TRDN: variants seen among roughly 807,000 people sequenced by gnomAD.
The protein encoded by TRDN is triadin.
A neutral mutation model predicts 149.7 loss-of-function variants in TRDN; 161 were observed. The ratio of observed to expected loss-of-function variants is 1.08; its 90% CI spans 0.95 to 1.23. TRDN has a LOEUF of 1.23. TRDN is among the 50% of genes most tolerant of loss of function. The pLI, the probability that TRDN is intolerant of heterozygous loss-of-function variation, is 0.00. For synonymous variants in TRDN, 294 were observed against 250.5 expected (o/e 1.17, Z -1.64); for missense variants, 896 against 823.5 (o/e 1.09, Z -1.08).
intron 24 of TRDN, among the ~76,000 whole-genome samples, chr6:123,311,334 G>T (rs1778811233): frequency 6.6e-6 from 1 of 151,940 alleles, no homozygotes; most frequent in South Asian, 2.1e-4. Flanking sequence ...CTCCATCCCA[G>T]TCCATCCCTC....
At chr6:123,281,920 T>C (rs552423790) in intron 24 of TRDN, among the ~76,000 whole-genome samples, 23 of 152,140 alleles carry the variant, frequency 1.5e-4, no homozygotes, top group South Asian at 1.2e-3. Flanking sequence ...AAAATACATG[T>C]GGAAGTCCAG....
rs988452678 is a variant in TRDN at position 123,584,266 on chromosome 6, G to A, written c.23-13134C>T. On this transcript the variant is annotated intron_variant, in intron 1 of 40. Coordinates refer to ENST00000334268, the MANE Select transcript of TRDN (RefSeq NM_006073.4). ...GAGCCGGGGAGCAGAAAGTATATGCGTCAGATATGAGGAAGAAAATAGATT... is the reference window on the plus strand; with the variant it reads ...GAGCCGGGGAGCAGAAAGTATATGCATCAGATATGAGGAAGAAAATAGATT... 1.3e-4 allele frequency among the ~76,000 whole-genome samples: 19 copies of A among 151,748 alleles called. No individual in the cohort carries two copies. The South Asian group carries it at 1.5e-3, about 12-fold the overall frequency.
At chr6:123,219,226 C>G (rs956466124) in intron 40 of TRDN, among the ~76,000 whole-genome samples, 2 of 151,826 alleles carry the variant, frequency 1.3e-5, no homozygotes, top group African/African-American at 4.8e-5. Context: ...GAGGCAAGAG[C>G]TTTCCTAAGG....
At chr6:123,407,007 TGCTGAGAGGGCC>T (rs1444148392) in intron 12 of TRDN, among the ~76,000 whole-genome samples, 2 of 151,974 alleles carry the variant, frequency 1.3e-5, no homozygotes, top group Admixed American at 1.3e-4. Flanking sequence ...TCAGGGTGCT[TGCTGAGAGGGCC>T]CAAGCTTAGG....
rs766194808 is a variant in TRDN, at chr6:123,216,616, T to C, written c.*1985A>G. The C allele has an allele frequency of 4.0e-4, 61 of 151,898 alleles. No individual in the cohort carries two copies. The highest frequency in any genetic ancestry group is 7.8e-4 in the Non-Finnish European group (53 of 67,938). 9.4% of individuals were successfully genotyped at this position (151,898 alleles called of 1,614,324 possible). Reference sequence around the variant, plus strand: ...CAAAAGTATTACTTCAGAAATTTACTTTAATATCATATTTATATTAAAATA... The same window carrying C: ...CAAAAGTATTACTTCAGAAATTTACCTTAATATCATATTTATATTAAAATA... On this transcript the variant is annotated 3_prime_UTR_variant, in exon 41 of 41. Transcript: ENST00000334268.
intron 38 of TRDN, among the ~76,000 whole-genome samples, chr6:123,226,251 T>C (rs1775360460): frequency 1.3e-5 from 2 of 151,842 alleles, no homozygotes; most frequent in African/African-American, 4.8e-5. Context: ...TTATATGATG[T>C]TGTGAAATAA....
intron 1 of TRDN, among the ~76,000 whole-genome samples, chr6:123,579,962 C>T (rs1408760000): frequency 1.3e-5 from 2 of 151,998 alleles, no homozygotes; most frequent in East Asian, 3.9e-4. Flanking sequence ...CCTGAGGCCT[C>T]CCCAGCTATG....
At chr6:123,296,181 GTTTAAC>G (rs1176160441) in intron 24 of TRDN, among the ~76,000 whole-genome samples, 1 of 152,054 alleles carries the variant, frequency 6.6e-6, no homozygotes, top group Non-Finnish European at 1.5e-5. Context: ...ATCAGAGCAT[GTTTAAC>G]TTTAAGGGCG....
intron 37 of TRDN, among the ~76,000 whole-genome samples, chr6:123,253,434 C>T (rs1776448517): frequency 6.6e-6 from 1 of 152,020 alleles, no homozygotes; most frequent in Non-Finnish European, 1.5e-5. Context: ...TATTAAAAAA[C>T]ATTTTCAGCT....
rs1421536630 is a variant in TRDN, at chr6:123,503,900, T to C, written c.612A>G (p.Glu204=). The change falls in exon 8 of 41, where the codon GAA becomes GAG. Residue 204 remains glutamate, a splice_region_variant and synonymous_variant. Transcript: ENST00000334268. ...TTTCTGCAGTCTTAGCTTTCTTCTG[T>C]TCTGTATAAAGTTAAAAGATGTTGA... ...EKPETKTLAK[E]QKKAKTAEKS... is the part of the protein sequence containing the mutation. The C allele has an allele frequency of 1.3e-6, 2 of 1,553,702 alleles. No individual in the cohort carries two copies. The highest frequency in any genetic ancestry group is 1.7e-6 in the Non-Finnish European group (2 of 1,149,538).
At chr6:123,354,545 A>G (rs1356125583) in intron 20 of TRDN, among the ~76,000 whole-genome samples, 1 of 151,886 alleles carries the variant, frequency 6.6e-6, no homozygotes, top group Non-Finnish European at 1.5e-5. Flanking sequence ...AATTTCTATA[A>G]AAATAACATT....
intron 8 of TRDN, among the ~76,000 whole-genome samples, chr6:123,499,743 T>G (rs1250888677): frequency 1.7e-5 from 2 of 118,054 alleles, no homozygotes; most frequent in African/African-American, 6.1e-5. Flanking sequence ...TATATATATA[T>G]AGTTACAGCT....
intron 9 of TRDN, among the ~76,000 whole-genome samples, chr6:123,481,489 T>A (rs931389378): frequency 2.6e-5 from 4 of 151,796 alleles, no homozygotes; most frequent in African/African-American, 7.3e-5. Context: ...CCTCCCTAAG[T>A]CCTGGAGAAA....
intron 35 of TRDN, among the ~76,000 whole-genome samples, chr6:123,257,782 C>T (rs1776617347): frequency 6.6e-6 from 1 of 152,244 alleles, no homozygotes; most frequent in Non-Finnish European, 1.5e-5. Context: ...GAAGGTTTTC[C>T]ATTTGTTTGT....
chr6:123,486,436 T>C (rs1295975238), intron 9 of TRDN, among the ~76,000 whole-genome samples: 2 of 151,964 alleles, frequency 1.3e-5, no homozygotes, highest in Non-Finnish European at 2.9e-5. Context: ...TTAATTCAAT[T>C]ATAATAAGAC....
Position 123,439,020 on chromosome 6 carries a change from A to G in TRDN, c.932-17T>C. ...CTTCTTTTTCTAGAGAATACATTTA[A>G]AATATTTCCTTTAGGGAAATTTAGT... On this transcript the variant is annotated splice_polypyrimidine_tract_variant and intron_variant, in intron 10 of 40. Transcript: ENST00000334268. The G allele has an allele frequency of 6.5e-7, 1 of 1,534,228 alleles. No individual in the cohort carries two copies. The highest frequency in any genetic ancestry group is 8.8e-7 in the Non-Finnish European group (1 of 1,137,518).
chr6:123,474,390 T>A (rs1459761930), intron 9 of TRDN, among the ~76,000 whole-genome samples: 3 of 152,266 alleles, frequency 2.0e-5, no homozygotes, highest in East Asian at 1.9e-4. Context: ...CCTAAATATA[T>A]ATGCACCCAA....
intron 12 of TRDN, among the ~76,000 whole-genome samples, chr6:123,398,036 AC>A (rs1772804582): frequency 6.6e-6 from 1 of 152,138 alleles, no homozygotes; most frequent in Non-Finnish European, 1.5e-5. Flanking sequence ...ATGGTGTCTC[AC>A]TCCGTCGCCC....
intron 24 of TRDN, among the ~76,000 whole-genome samples, chr6:123,294,966 T>C (rs1778142759): frequency 6.6e-6 from 1 of 152,096 alleles, no homozygotes; most frequent in Non-Finnish European, 1.5e-5. Context: ...AAATGAATCT[T>C]ACCCTTCTGC....
Sources: allele counts gnomAD v4.1 joint callset (sites outside exome capture counted in the v4.1 genomes callset), GRCh38; gene constraint gnomAD v4.1.1; transcripts MANE v1.5; gene names NCBI Gene and HGNC (gene_info 2026-07-23, HGNC 2026-07-21).